Variants in ANKRD11 observed in about 807,000 individuals in gnomAD.
The protein encoded by ANKRD11 is ankyrin repeat domain 11.
A neutral mutation model predicts 195.7 loss-of-function variants in ANKRD11; 17 were observed. The ratio of observed to expected loss-of-function variants is 0.09; its 90% CI spans 0.06 to 0.13. The LOEUF (loss-of-function observed/expected upper bound fraction) is 0.13. Among genes scored for constraint, ANKRD11 ranks in the 10% least tolerant of loss-of-function variants. The probability of loss-of-function intolerance (pLI) is 1.00; values close to 1 mark genes in which losing one functional copy is unlikely to be tolerated. For synonymous variants in ANKRD11, 1,953 were observed against 1,528.1 expected, an observed-to-expected ratio of 1.28 and a Z score of -6.49; for missense variants, 3,735 against 3,566.1, an observed-to-expected ratio of 1.05 and a Z score of -1.21.
At chr16:89,286,667 C>T (rs986753715) in intron 7 of ANKRD11, 1 of 1,232,812 alleles carries the variant, frequency 8.1e-7, no homozygotes, top group Non-Finnish European at 1.0e-6. Flanking sequence ...CAAGTTTCTG[C>T]AAGCTGCTTT....
chr16:89,296,948 A>C (rs2035476548), intron 4 of ANKRD11, among the ~76,000 whole-genome samples: 1 of 152,142 alleles, frequency 6.6e-6, no homozygotes, highest in Non-Finnish European at 1.5e-5. Flanking sequence ...TGTCCCTCTT[A>C]GCTGGGGGGA....
Position 89,282,616 on chromosome 16 carries a change from G to C in ANKRD11, c.3926C>G (p.Thr1309Arg), listed in dbSNP as rs779550492. The change falls in exon 9 of 13, where the codon ACG becomes AGG. Residue 1309 changes from threonine (T) to arginine (R), a missense_variant. Transcript: ENST00000301030. The stretch of plus-strand genomic sequence containing the variant: ...CAGCCCCGGCTCCTGCCCTCGGTCC[G>C]TGAAGCTGTCAGAGGAGACCTCGCT... ...KISEVSSDSF[T>R]DRGQEPGLTA... is the part of the protein sequence containing the mutation. The C allele has an allele frequency of 1.2e-6, 2 of 1,613,912 alleles. No homozygotes were observed. The highest frequency in any genetic ancestry group is 8.5e-7 in the Non-Finnish European group (1 of 1,179,984).
chr16:89,375,331 G>A (rs999461647), intron 2 of ANKRD11, among the ~76,000 whole-genome samples: 7 of 152,230 alleles, frequency 4.6e-5, no homozygotes, highest in African/African-American at 1.7e-4. Flanking sequence ...GCATGGGCCT[G>A]GAGTCCCAGC....
rs1282378101 is a variant in ANKRD11 at position 89,280,019 on chromosome 16, T to A, written c.6523A>T (p.Asn2175Tyr). The A allele has an allele frequency of 8.7e-6, 14 of 1,612,660 alleles. No individual in the cohort carries two copies. The highest frequency in any genetic ancestry group is 1.1e-5 in the Non-Finnish European group (13 of 1,179,918). ...ACTACGGTGGAAACATCCCCACCGTTTATGACCCCGGGGGCCCCTGGAGGC... is the reference window on the plus strand; with the variant it reads ...ACTACGGTGGAAACATCCCCACCGTATATGACCCCGGGGGCCCCTGGAGGC... Reference protein sequence around the residue: ...EMPPGAPGVINGGDVSTVVAE... With the variant: ...EMPPGAPGVIYGGDVSTVVAE... The change falls in exon 9 of 13, where the codon AAC becomes TAC. Residue 2175 changes from asparagine (N) to tyrosine (Y), a missense_variant. Transcript: ENST00000301030.
chr16:89,383,898 C>G (rs895389454), intron 2 of ANKRD11, among the ~76,000 whole-genome samples: 1 of 152,214 alleles, frequency 6.6e-6, no homozygotes, highest in Non-Finnish European at 1.5e-5. Context: ...CACAAACACC[C>G]GCTAGGGCCT....
At chr16:89,286,332 C>T in intron 7 of ANKRD11, 146 bp from the exon 8 acceptor site, 1 of 1,182,032 alleles carries the variant, frequency 8.5e-7, no homozygotes, top group Non-Finnish European at 1.2e-6. Flanking sequence ...GAGCCGAGCG[C>T]CCAGGGACTG....
At chr16:89,429,908 A>T (rs1303180696) in intron 1 of ANKRD11, among the ~76,000 whole-genome samples, 48 of 53,354 alleles carry the variant, frequency 9.0e-4, no homozygotes, top group South Asian at 2.4e-3. Flanking sequence ...TCGCGCTCAG[A>T]CGTTCTAGTA....
intron 1 of ANKRD11, among the ~76,000 whole-genome samples, chr16:89,425,437 C>T (rs2042678282): frequency 6.6e-6 from 1 of 152,156 alleles, no homozygotes; most frequent in South Asian, 2.1e-4. Flanking sequence ...CACTAAAGAC[C>T]TACCATCCAG....
chr16:89,329,415 A>T (rs1374252341), intron 2 of ANKRD11, among the ~76,000 whole-genome samples: 1 of 152,206 alleles, frequency 6.6e-6, no homozygotes, highest in Non-Finnish European at 1.5e-5. Flanking sequence ...AAAGGGAGAA[A>T]AAACACAAGG....
intron 2 of ANKRD11, among the ~76,000 whole-genome samples, chr16:89,406,603 GAA>G (rs2041917523): frequency 6.6e-6 from 1 of 152,238 alleles, no homozygotes; most frequent in Non-Finnish European, 1.5e-5. Flanking sequence ...GGTGGGGACA[GAA>G]AAGAGACAAG....
intron 2 of ANKRD11, among the ~76,000 whole-genome samples, chr16:89,322,192 T>A (rs2037367882): frequency 1.3e-5 from 2 of 152,248 alleles, no homozygotes; most frequent in African/African-American, 4.8e-5. Flanking sequence ...GGGTTTGCTG[T>A]AATTTGTATT....
chr16:89,270,786 A>C (rs376918569), intron 12 of ANKRD11, 31 bp downstream of exon 12: 1 of 1,604,122 alleles, frequency 6.2e-7, no homozygotes, highest in Non-Finnish European at 8.5e-7. Context: ...AGCCTCCCCC[A>C]GGCAGAACTG....
chr16:89,290,360 T>G (rs1377861580), intron 6 of ANKRD11, among the ~76,000 whole-genome samples: 1 of 31,026 alleles, frequency 3.2e-5, no homozygotes, highest in Admixed American at 3.4e-4. Flanking sequence ...AGGGCTCCAA[T>G]GGGGGGAGGC....
intron 2 of ANKRD11, among the ~76,000 whole-genome samples, chr16:89,391,085 G>A (rs1015989806): frequency 3.9e-5 from 6 of 152,044 alleles, no homozygotes; most frequent in South Asian, 2.1e-4. Context: ...AAAATTAGCC[G>A]GGCGCGGTGG....
chr16:89,371,491 G>C (rs2040190789), intron 2 of ANKRD11, among the ~76,000 whole-genome samples: 1 of 152,110 alleles, frequency 6.6e-6, no homozygotes, highest in Admixed American at 6.5e-5. Context: ...TGGTGCCCAG[G>C]CTATGTGGTC....
At chr16:89,463,117 C>A (rs1261450322) in intron 1 of ANKRD11, among the ~76,000 whole-genome samples, 1 of 151,828 alleles carries the variant, frequency 6.6e-6, no homozygotes, top group African/African-American at 2.4e-5. Context: ...TGCCCGGCCG[C>A]CCCTACTGGG....
rs2033491699 is a variant in ANKRD11, at chr16:89,274,737, G to C, written c.7713+77C>G. ...CCGGGAAGCTCCTGGTCAAAGTGCA[G>C]AATCTATCAAGGGGAGGGGAGGCGG... On this transcript the variant is annotated intron_variant, in intron 11 of 12. Coordinates refer to ENST00000301030, the MANE Select transcript of ANKRD11 (RefSeq NM_013275.6). 1.9e-6 allele frequency: 3 copies of C among 1,591,772 alleles called. No individual in the cohort carries two copies. In the Admixed American group the frequency reaches 5.0e-5, roughly 27 times the overall value.
intron 1 of ANKRD11, among the ~76,000 whole-genome samples, chr16:89,462,231 C>T (rs968224314): frequency 2.6e-5 from 4 of 152,208 alleles, no homozygotes; most frequent in African/African-American, 9.7e-5. Context: ...AGGCTCACGC[C>T]GCCACGCCTG....
Position 89,280,759 on chromosome 16 carries a change from G to A in ANKRD11, c.5783C>T (p.Pro1928Leu), listed in dbSNP as rs753767970. The change falls in exon 9 of 13, where the codon CCC becomes CTC. Residue 1928 changes from proline (P) to leucine (L), a missense_variant. By Grantham distance (98) the Pro-to-Leu change is moderately conservative. Coordinates refer to ENST00000301030, the MANE Select transcript of ANKRD11 (RefSeq NM_013275.6). ...CTCGTCCAGCGGCTCCAGGTAGCTG[G>A]GCTCCGGGGGGATGATGGCGGCCGT... ...QATAAIIPPE[P>L]SYLEPLDEGP... The A allele has an allele frequency of 3.1e-6, 5 of 1,612,890 alleles. No individual in the cohort carries two copies. In the East Asian group the frequency reaches 6.7e-5, roughly 22 times the overall value.
Sources: allele counts gnomAD v4.1 joint callset (sites outside exome capture counted in the v4.1 genomes callset), GRCh38; gene constraint gnomAD v4.1.1; transcripts MANE v1.5; gene names NCBI Gene and HGNC (gene_info 2026-07-23, HGNC 2026-07-21).